Variants in DCAF8L2 observed in about 807,000 individuals in gnomAD.
The protein encoded by DCAF8L2 is DDB1 and CUL4 associated factor 8 like 2.
For synonymous variants in DCAF8L2, 200 were observed against 190.9 expected (o/e 1.05, Z -0.39); for missense variants, 430 against 490.7 (o/e 0.88, Z 1.17).
chrX:27,542,563 G>A, the DCAF8L2 span, among the ~76,000 whole-genome samples: 1 of 48,905 alleles, frequency 2.0e-5, no homozygotes, highest in Non-Finnish European at 3.4e-5. Context: ...TTTTTTTTGA[G>A]ATGGAGTCTC....
At chrX:27,672,233 G>T (rs1929974770) in intron 2 of DCAF8L2, among the ~76,000 whole-genome samples, 1 of 111,976 alleles carries the variant, frequency 8.9e-6, no homozygotes, top group South Asian at 3.7e-4. Flanking sequence ...GCAACAGTTT[G>T]TACAGATCAG....
the DCAF8L2 span, among the ~76,000 whole-genome samples, chrX:27,470,624 T>C: frequency 1.8e-5 from 2 of 112,211 alleles, no homozygotes; most frequent in South Asian, 3.7e-4. Context: ...GTGGGGTCTA[T>C]AGTGAGCAAA....
chrX:27,577,614 T>A, the DCAF8L2 span, among the ~76,000 whole-genome samples: 1 of 111,945 alleles, frequency 8.9e-6, no homozygotes, highest in Non-Finnish European at 1.9e-5. Flanking sequence ...TCAAACTGTC[T>A]CTGCTTTTAG....
rs751686530 is a variant in DCAF8L2, at chrX:27,617,973, A to G, written c.-341-13906A>G. 2.7e-5 allele frequency among the ~76,000 whole-genome samples: 3 copies of G among 112,029 alleles called. No individual in the cohort carries two copies. The East Asian group carries it at 8.4e-4, about 31-fold the overall frequency. On this transcript the variant is annotated intron_variant, in intron 1 of 4. Transcript: ENST00000451261. ...TGTTATTATGGTTCTAACATATGGAAGCATTCTATGTTATCATATCATATG... is the reference window on the plus strand; with the variant it reads ...TGTTATTATGGTTCTAACATATGGAGGCATTCTATGTTATCATATCATATG...
chrX:27,552,516 ATGT>A, the DCAF8L2 span, among the ~76,000 whole-genome samples: 4 of 111,716 alleles, frequency 3.6e-5, no homozygotes, highest in Non-Finnish European at 7.5e-5. Flanking sequence ...CTGCATATGA[ATGT>A]CCAGTTTTCC....
At chrX:27,609,357 C>T (rs1241984066) in intron 1 of DCAF8L2, among the ~76,000 whole-genome samples, 1 of 111,682 alleles carries the variant, frequency 9.0e-6, no homozygotes, top group Non-Finnish European at 1.9e-5. Flanking sequence ...GGAGGTAAAG[C>T]TGTGGAAGGC....
At chrX:27,536,898 G>A in the DCAF8L2 span, among the ~76,000 whole-genome samples, 2 of 112,084 alleles carry the variant, frequency 1.8e-5, no homozygotes, top group Non-Finnish European at 3.8e-5. Flanking sequence ...TTCTTCCCAT[G>A]TAAGTACTTG....
At chrX:27,551,944 C>G in the DCAF8L2 span, among the ~76,000 whole-genome samples, 1 of 111,737 alleles carries the variant, frequency 8.9e-6, no homozygotes, top group Non-Finnish European at 1.9e-5. Context: ...AATTTATATC[C>G]CTACCAATAG....
intron 1 of DCAF8L2, among the ~76,000 whole-genome samples, chrX:27,601,227 G>A (rs1374034506): frequency 8.9e-6 from 1 of 112,132 alleles, no homozygotes; most frequent in Admixed American, 9.5e-5. Context: ...TGAACACAGT[G>A]AAATCATCTT....
intron 1 of DCAF8L2, among the ~76,000 whole-genome samples, chrX:27,610,948 TTCTTTTTTAATCGG>T (rs1313049419): frequency 8.9e-6 from 1 of 112,611 alleles, no homozygotes; most frequent in Non-Finnish European, 1.9e-5. Flanking sequence ...AAGGTGTTCT[TTCTTTTTTAATCGG>T]AAAAAAAACA....
the DCAF8L2 span, among the ~76,000 whole-genome samples, chrX:27,497,509 T>TTCCTTCCTTCCTTCCTTCCTTCCTTCC: frequency 4.3e-5 from 2 of 46,528 alleles, no homozygotes; most frequent in African/African-American, 1.9e-4. Flanking sequence ...TCTTTCTTTC[T>TTCCTTCCTTCCTTCCTTCCTTCCTTCC]TTCCTTCCTT....
At chrX:27,666,810 A>C (rs1272363081) in intron 2 of DCAF8L2, among the ~76,000 whole-genome samples, 1 of 112,111 alleles carries the variant, frequency 8.9e-6, no homozygotes, top group Non-Finnish European at 1.9e-5. Flanking sequence ...AATGAATACA[A>C]GTCCAATGCT....
At chrX:27,643,715 G>A (rs544835179) in intron 2 of DCAF8L2, among the ~76,000 whole-genome samples, 2 of 111,408 alleles carry the variant, frequency 1.8e-5, no homozygotes, top group Non-Finnish European at 3.8e-5. Flanking sequence ...CTTTCCACAC[G>A]GTTATCCTTT....
At chrX:27,564,002 C>T in the DCAF8L2 span, among the ~76,000 whole-genome samples, 1 of 112,197 alleles carries the variant, frequency 8.9e-6, no homozygotes, top group East Asian at 2.8e-4. Context: ...AATGCTTTTA[C>T]TTCAATGTTT....
chrX:27,628,243 A>C (rs980723834), intron 1 of DCAF8L2, among the ~76,000 whole-genome samples: 2 of 111,392 alleles, frequency 1.8e-5, no homozygotes, highest in African/African-American at 6.5e-5. Flanking sequence ...TTCCTACATG[A>C]TCTAGCAAAT....
intron 3 of DCAF8L2, among the ~76,000 whole-genome samples, chrX:27,704,125 A>T (rs1275338533): frequency 2.0e-5 from 2 of 99,961 alleles, no homozygotes; most frequent in African/African-American, 8.2e-5. Context: ...GGCTATTACC[A>T]TATCTTGGTT....
chrX:27,523,159 T>C, the DCAF8L2 span, among the ~76,000 whole-genome samples: 1 of 111,648 alleles, frequency 9.0e-6, no homozygotes, highest in Admixed American at 9.6e-5. Context: ...AAGGATGTTA[T>C]GATACAAAGT....
chrX:27,587,436 C>G (rs1266813582), upstream of DCAF8L2, among the ~76,000 whole-genome samples: 3 of 111,441 alleles, frequency 2.7e-5, no homozygotes, highest in Non-Finnish European at 5.7e-5. Context: ...GGGTGGTTTT[C>G]AATATACTCT....
At chrX:27,675,626 T>C (rs1356885357) in intron 2 of DCAF8L2, among the ~76,000 whole-genome samples, 4 of 112,068 alleles carry the variant, frequency 3.6e-5, no homozygotes, top group Non-Finnish European at 7.5e-5. Flanking sequence ...TGACATGGTA[T>C]AGAAGGTAGT....
Sources: allele counts gnomAD v4.1 joint callset (sites outside exome capture counted in the v4.1 genomes callset), GRCh38; gene constraint gnomAD v4.1.1; transcripts MANE v1.5; gene names NCBI Gene and HGNC (gene_info 2026-07-23, HGNC 2026-07-21).